The following TAFA1 variants were observed in gnomAD, a reference collection of about 807,000 sequenced individuals.
TAFA1 encodes chemokine-like protein TAFA-1.
Under a neutral mutation model 18.5 loss-of-function variants are expected in TAFA1, and 4 were observed. That is an observed-to-expected ratio of 0.22 (90% confidence interval 0.11 to 0.49). The LOEUF (loss-of-function observed/expected upper bound fraction) is 0.49, where lower values mean the gene tolerates loss of function less well. Ranked by LOEUF, TAFA1 falls within the 20% of genes least tolerant of loss-of-function variation. The pLI is 0.98. For missense variants in TAFA1, 147 were observed against 169.0 expected (o/e 0.87, Z 0.72); for synonymous variants, 56 against 55.2 (o/e 1.01, Z -0.06).
chr3:68,497,245 A>G (rs2106696154), intron 3 of TAFA1, among the ~76,000 whole-genome samples: 1 of 152,262 alleles, frequency 6.6e-6, no homozygotes, highest in African/African-American at 2.4e-5. Context: ...ACCCAACTTT[A>G]ATTCTTTAAC....
At chr3:68,326,205 T>C (rs1434874100) in intron 2 of TAFA1, among the ~76,000 whole-genome samples, 3 of 152,230 alleles carry the variant, frequency 2.0e-5, no homozygotes, top group Non-Finnish European at 2.9e-5. Flanking sequence ...TTCAGACTGA[T>C]AGAAAATGCT....
chr3:68,020,440 C>T (rs140123137), intron 2 of TAFA1, among the ~76,000 whole-genome samples: 1 of 151,676 alleles, frequency 6.6e-6, no homozygotes, highest in South Asian at 2.1e-4. Flanking sequence ...CCCTACCTTG[C>T]CAGCTTAAGT....
intron 2 of TAFA1, among the ~76,000 whole-genome samples, chr3:68,088,497 T>A (rs1413915406): frequency 6.6e-6 from 1 of 152,188 alleles, no homozygotes; most frequent in African/African-American, 2.4e-5. Context: ...CATCAAATAT[T>A]CCAAAGCTTC....
chr3:68,034,535 T>C (rs762688301), intron 2 of TAFA1, among the ~76,000 whole-genome samples: 1 of 152,222 alleles, frequency 6.6e-6, no homozygotes, highest in African/African-American at 2.4e-5. Context: ...CAATGTTAGC[T>C]TAAATGGACT....
chr3:68,289,077 G>A (rs1213275185), intron 2 of TAFA1, among the ~76,000 whole-genome samples: 1 of 152,128 alleles, frequency 6.6e-6, no homozygotes, highest in African/African-American at 2.4e-5. Flanking sequence ...TTTTCACAAA[G>A]TATGTGACCA....
chr3:68,240,598 A>T (rs2066984344), intron 2 of TAFA1, among the ~76,000 whole-genome samples: 1 of 152,182 alleles, frequency 6.6e-6, no homozygotes. Flanking sequence ...CCTGCCCACT[A>T]GTAAACAGGA....
intron 3 of TAFA1, among the ~76,000 whole-genome samples, chr3:68,467,110 C>T (rs1003905037): frequency 2.6e-5 from 4 of 152,130 alleles, no homozygotes; most frequent in Admixed American, 6.5e-5. Flanking sequence ...CCACAGGCAG[C>T]TAGACTTTTA....
At chr3:68,425,732 A>G (rs542115958) in intron 3 of TAFA1, among the ~76,000 whole-genome samples, 7 of 152,108 alleles carry the variant, frequency 4.6e-5, no homozygotes, top group African/African-American at 1.7e-4. Context: ...TCTATCTAAT[A>G]GCAGATGTTG....
intron 2 of TAFA1, among the ~76,000 whole-genome samples, chr3:68,341,068 A>T (rs1177066166): frequency 2.0e-5 from 3 of 152,226 alleles, no homozygotes; most frequent in Non-Finnish European, 4.4e-5. Context: ...CAATGGGTTC[A>T]CCTTGCCCAC....
chr3:68,191,994 A>G (rs1425433676), intron 2 of TAFA1, among the ~76,000 whole-genome samples: 1 of 151,628 alleles, frequency 6.6e-6, no homozygotes, highest in Middle Eastern at 3.2e-3. Context: ...ATCTCTTTCT[A>G]TATTCTTGGT....
At chr3:68,432,264 C>G (rs549583378) in intron 3 of TAFA1, among the ~76,000 whole-genome samples, 3 of 151,934 alleles carry the variant, frequency 2.0e-5, no homozygotes, top group African/African-American at 7.2e-5. Context: ...GTATTACCCT[C>G]TTGGAACCAC....
At chr3:68,387,268 T>A (rs1468970100) in intron 2 of TAFA1, among the ~76,000 whole-genome samples, 1 of 152,128 alleles carries the variant, frequency 6.6e-6, no homozygotes, top group Non-Finnish European at 1.5e-5. Flanking sequence ...TGACATTCTC[T>A]ATGCTAGACT....
chr3:68,078,714 A>G (rs1052394695), intron 2 of TAFA1, among the ~76,000 whole-genome samples: 2 of 152,122 alleles, frequency 1.3e-5, no homozygotes, highest in Admixed American at 6.5e-5. Flanking sequence ...TCGGTTTGCC[A>G]GTATTTTATT....
chr3:68,022,821 A>AT (rs1263576631), intron 2 of TAFA1, among the ~76,000 whole-genome samples: 7 of 78,536 alleles, frequency 8.9e-5, no homozygotes, highest in African/African-American at 2.7e-4. Context: ...ATATATATAT[A>AT]TTATATATAA....
At chr3:68,013,893 AT>A (rs1704521861) in intron 2 of TAFA1, among the ~76,000 whole-genome samples, 1 of 152,204 alleles carries the variant, frequency 6.6e-6, no homozygotes, top group Admixed American at 6.5e-5. Context: ...GGATCTGCCT[AT>A]TCATTAAGCA....
At chr3:68,010,687 T>G (rs980932288) in intron 2 of TAFA1, among the ~76,000 whole-genome samples, 1 of 152,194 alleles carries the variant, frequency 6.6e-6, no homozygotes, top group Non-Finnish European at 1.5e-5. Flanking sequence ...ATTAAAACAG[T>G]CAATCAAATG....
chr3:68,172,960 C>T (rs990394266), intron 2 of TAFA1, among the ~76,000 whole-genome samples: 3 of 151,868 alleles, frequency 2.0e-5, no homozygotes, highest in Non-Finnish European at 4.4e-5. Context: ...GATGGTTGCA[C>T]AACTCTGTGA....
At chr3:68,448,066 G>T (rs2071501850) in intron 3 of TAFA1, among the ~76,000 whole-genome samples, 1 of 152,158 alleles carries the variant, frequency 6.6e-6, no homozygotes, top group Non-Finnish European at 1.5e-5. Flanking sequence ...TTGGTGGAGG[G>T]TGTGAGCAGT....
At chr3:68,493,783 C>T (rs1374128396) in intron 3 of TAFA1, among the ~76,000 whole-genome samples, 1 of 152,194 alleles carries the variant, frequency 6.6e-6, no homozygotes, top group Non-Finnish European at 1.5e-5. Flanking sequence ...AAATTGAAGG[C>T]TGATGAAACA....
Sources: gnomAD v4.1 joint callset for allele counts (sites outside exome capture counted in the v4.1 genomes callset) on GRCh38, gnomAD v4.1.1 for gene constraint, MANE v1.5 for transcripts, NCBI Gene and HGNC (gene_info 2026-07-23, HGNC 2026-07-21) for gene names.